COL5A2: variants seen among roughly 807,000 people sequenced by gnomAD.
COL5A2 encodes collagen alpha-2(V) chain.
Under a neutral mutation model 208.2 loss-of-function variants are expected in COL5A2, and 23 were observed. The ratio of observed to expected loss-of-function variants is 0.11; its 90% CI spans 0.08 to 0.16. COL5A2 has a LOEUF of 0.16. Ranked by LOEUF, COL5A2 falls within the 10% of genes least tolerant of loss-of-function variation. The probability of loss-of-function intolerance (pLI) is 1.00; values close to 1 mark genes in which losing one functional copy is unlikely to be tolerated. For missense variants in COL5A2, 1,590 were observed against 1,956.4 expected (o/e 0.81, Z 3.53); for synonymous variants, 625 against 628.5 (o/e 0.99, Z 0.08).
chr2:189,302,279 GA>G, the COL5A2 span, among the ~76,000 whole-genome samples: 4 of 152,042 alleles, frequency 2.6e-5, no homozygotes, highest in Non-Finnish European at 5.9e-5. Flanking sequence ...TTTAAAACTC[GA>G]AAGCTTCTCT....
At chr2:189,054,235 C>CA in intron 35 of COL5A2, 23 bp from the exon 36 acceptor site, 1 of 1,566,620 alleles carries the variant, frequency 6.4e-7, no homozygotes, top group Non-Finnish European at 8.8e-7. Context: ...AGAACATAGG[C>CA]ATATTGAGGT....
At chr2:189,220,436 T>C (rs1689334238) in intron 1 of COL5A2, among the ~76,000 whole-genome samples, 1 of 151,130 alleles carries the variant, frequency 6.6e-6, no homozygotes, top group Admixed American at 6.7e-5. Context: ...AATTGTATTT[T>C]ACAGTTACAG....
At chr2:189,269,111 C>T in the COL5A2 span, among the ~76,000 whole-genome samples, 1 of 152,042 alleles carries the variant, frequency 6.6e-6, no homozygotes, top group South Asian at 2.1e-4. Context: ...AAATCTTAAG[C>T]CTTTCTCGTA....
At chr2:189,392,763 G>A in the COL5A2 span, among the ~76,000 whole-genome samples, 1 of 152,126 alleles carries the variant, frequency 6.6e-6, no homozygotes, top group Non-Finnish European at 1.5e-5. Context: ...GGCCCAAGGT[G>A]CAGGTAACCA....
chr2:189,417,842 G>GTA, the COL5A2 span, among the ~76,000 whole-genome samples: 22 of 150,950 alleles, frequency 1.5e-4, no homozygotes, highest in East Asian at 5.9e-4. Context: ...ACATATATGT[G>GTA]TATATATATA....
At chr2:189,325,167 T>A in the COL5A2 span, among the ~76,000 whole-genome samples, 2 of 147,626 alleles carry the variant, frequency 1.4e-5, no homozygotes. Flanking sequence ...GGGCCTGTTG[T>A]GGGGTGGGGG....
At chr2:189,242,542 C>G in the COL5A2 span, among the ~76,000 whole-genome samples, 1 of 152,172 alleles carries the variant, frequency 6.6e-6, no homozygotes, top group Non-Finnish European at 1.5e-5. Context: ...TCATGACTCT[C>G]TAACCTAAAA....
chr2:189,172,253 G>A (rs1688586588), intron 1 of COL5A2, among the ~76,000 whole-genome samples: 2 of 152,228 alleles, frequency 1.3e-5, no homozygotes, highest in South Asian at 4.2e-4. Context: ...GGAAGTGGCT[G>A]AAGTTATAGA....
At chr2:189,419,745 A>C in the COL5A2 span, among the ~76,000 whole-genome samples, 1 of 151,896 alleles carries the variant, frequency 6.6e-6, no homozygotes, top group African/African-American at 2.4e-5. Flanking sequence ...GCAGTGAGCT[A>C]TGATCCTACC....
At chr2:189,107,663 T>C (rs1013758352) in intron 2 of COL5A2, among the ~76,000 whole-genome samples, 3 of 151,620 alleles carry the variant, frequency 2.0e-5, no homozygotes, top group African/African-American at 7.2e-5. Context: ...CATAGAACTA[T>C]GATTTTTTGT....
the COL5A2 span, among the ~76,000 whole-genome samples, chr2:189,395,128 T>C: frequency 1.3e-5 from 2 of 152,214 alleles, no homozygotes; most frequent in Admixed American, 1.3e-4. Flanking sequence ...ATTAGAATAA[T>C]GTATTTTAAA....
At chr2:189,160,862 C>T (rs1688348967) in intron 1 of COL5A2, among the ~76,000 whole-genome samples, 1 of 133,284 alleles carries the variant, frequency 7.5e-6, no homozygotes, top group East Asian at 2.4e-4. Context: ...CGGAGTTTCA[C>T]TCTTGTTGCC....
At chr2:189,392,975 T>C in the COL5A2 span, among the ~76,000 whole-genome samples, 1 of 152,164 alleles carries the variant, frequency 6.6e-6, no homozygotes, top group Non-Finnish European at 1.5e-5. Context: ...ATGTTCCCCA[T>C]ATAGTCATAT....
chr2:189,344,843 G>A, the COL5A2 span, among the ~76,000 whole-genome samples: 13 of 152,190 alleles, frequency 8.5e-5, no homozygotes, highest in African/African-American at 2.9e-4. Flanking sequence ...AAATGGGCAG[G>A]TAGCTGCTTA....
At chr2:189,356,222 A>C in the COL5A2 span, among the ~76,000 whole-genome samples, 1 of 150,988 alleles carries the variant, frequency 6.6e-6, no homozygotes, top group African/African-American at 2.4e-5. Flanking sequence ...CTTCATTTCC[A>C]CCTTGGTGAA....
At chr2:189,421,227 C>G in the COL5A2 span, among the ~76,000 whole-genome samples, 111 of 152,234 alleles carry the variant, frequency 7.3e-4, no homozygotes, top group African/African-American at 2.6e-3. Context: ...TTATCTCTCT[C>G]CTGCTCTCAA....
At chr2:189,178,917 C>T (rs1247201327) in intron 1 of COL5A2, among the ~76,000 whole-genome samples, 1 of 152,060 alleles carries the variant, frequency 6.6e-6, no homozygotes, top group Non-Finnish European at 1.5e-5. Context: ...CATGGAGAAA[C>T]AAACGAGACT....
the COL5A2 span, among the ~76,000 whole-genome samples, chr2:189,246,719 C>G: frequency 6.6e-6 from 1 of 152,142 alleles, no homozygotes; most frequent in Non-Finnish European, 1.5e-5. Context: ...AAATAATGGG[C>G]ATACAGAGAG....
intron 25 of COL5A2, 74 bp from the exon 26 acceptor site, chr2:189,064,107 GT>G: frequency 8.1e-7 from 1 of 1,239,304 alleles, no homozygotes. Flanking sequence ...AGTAAAAATA[GT>G]GTTGCATTTT....
Sources: gnomAD v4.1 joint callset for allele counts (sites outside exome capture counted in the v4.1 genomes callset) on GRCh38, gnomAD v4.1.1 for gene constraint, MANE v1.5 for transcripts, NCBI Gene and HGNC (gene_info 2026-07-23, HGNC 2026-07-21) for gene names.